CSGALNACT1: variants seen among roughly 807,000 people sequenced by gnomAD.
CSGALNACT1 encodes the protein beta4GalNAcT-1.
A neutral mutation model predicts 51.0 loss-of-function variants in CSGALNACT1; 52 were observed. The ratio of observed to expected loss-of-function variants is 1.02; its 90% CI spans 0.82 to 1.29. CSGALNACT1 has a LOEUF of 1.29. Ranked by LOEUF, CSGALNACT1 falls within the 50% of genes most tolerant of loss-of-function variation. CSGALNACT1 has a pLI of 0.00. For missense variants in CSGALNACT1, 935 were observed against 679.2 expected (o/e 1.38, Z -4.19); for synonymous variants, 341 against 254.4 (o/e 1.34, Z -3.24).
intron 3 of CSGALNACT1, among the ~76,000 whole-genome samples, chr8:19,521,652 C>T (rs1324289859): frequency 2.0e-5 from 3 of 152,044 alleles, no homozygotes; most frequent in African/African-American, 7.2e-5. Flanking sequence ...TACTAGACTC[C>T]GTCTCCAAAA....
At chr8:19,576,030 G>C (rs1341998707) in intron 3 of CSGALNACT1, among the ~76,000 whole-genome samples, 1 of 152,136 alleles carries the variant, frequency 6.6e-6, no homozygotes, top group Non-Finnish European at 1.5e-5. Context: ...GGCTCAGACA[G>C]GAAGAGGTAG....
At chr8:19,595,239 G>C (rs2048645011) in intron 2 of CSGALNACT1, among the ~76,000 whole-genome samples, 1 of 152,128 alleles carries the variant, frequency 6.6e-6, no homozygotes, top group African/African-American at 2.4e-5. Flanking sequence ...GAACCTCAAA[G>C]TAAAGGTTAT....
chr8:19,584,914 G>A (rs1359129561), intron 3 of CSGALNACT1, among the ~76,000 whole-genome samples: 1 of 152,184 alleles, frequency 6.6e-6, no homozygotes, highest in African/African-American at 2.4e-5. Context: ...ACCGTAGACA[G>A]CAGGATGGGG....
chr8:19,665,785 T>C lies in CSGALNACT1; in HGVS notation c.-544+16688A>G, dbSNP rs140885019. 3.3e-3 allele frequency among the ~76,000 whole-genome samples: 507 copies of C among 152,312 alleles called. 3 individuals carry two copies. Among genetic ancestry groups the C allele is most frequent in the Non-Finnish European group, 5.8e-3 (394 of 68,028 alleles). On this transcript the variant is annotated intron_variant, in intron 1 of 9. Coordinates refer to the CSGALNACT1 transcript ENST00000332246. ...TTCATAATAGAAGGGTTTGGTTAAT[T>C]ACACCTGGGATAATGAATAACTAAA...
In CSGALNACT1 at chr8:19,557,625, C is replaced by G. The variant is rs116702769; in HGVS notation, c.-297+33535G>C. Among the ~76,000 whole-genome samples the G allele has an allele frequency of 9.3e-3, 1,414 of 152,322 alleles. 17 individuals are homozygous for G. Among genetic ancestry groups the G allele is most frequent in the African/African-American group, 0.032 (1,320 of 41,568 alleles). ...CCCTAAGTATCCACAAGGCCTATTC[C>G]TGTATTTTATTCAGGCTTTGCTCAA... is the stretch of plus-strand genomic sequence containing the variant. On this transcript the variant is annotated intron_variant, in intron 3 of 9. Coordinates refer to ENST00000454498, the Ensembl canonical transcript of CSGALNACT1.
At chr8:19,705,513 G>A (rs1031241773) in intron 1 of CSGALNACT1, among the ~76,000 whole-genome samples, 4 of 152,130 alleles carry the variant, frequency 2.6e-5, no homozygotes, top group Non-Finnish European at 4.4e-5. Flanking sequence ...CAGGAGGCAG[G>A]AGGCTTAAGC....
intron 4 of CSGALNACT1, among the ~76,000 whole-genome samples, chr8:19,486,772 A>G (rs1244746775): frequency 6.6e-6 from 1 of 152,112 alleles, no homozygotes; most frequent in African/African-American, 2.4e-5. Flanking sequence ...TTACTCAGCT[A>G]TGGAATTTGC....
chr8:19,682,441 C>T (rs901569210), intron 1 of CSGALNACT1: 9 of 300,416 alleles, frequency 3.0e-5, no homozygotes, highest in Admixed American at 4.2e-5. Context: ...AAATTTCACA[C>T]CCAATAAAGG....
At chr8:19,589,288 A>C (rs1018089246) in intron 3 of CSGALNACT1, among the ~76,000 whole-genome samples, 2 of 152,142 alleles carry the variant, frequency 1.3e-5, no homozygotes, top group Non-Finnish European at 2.9e-5. Context: ...AAAGCTACCT[A>C]ATTTTTCAAC....
chr8:19,404,791 T>G (rs973463530), exon 10 of CSGALNACT1: 1 of 454,548 alleles, frequency 2.2e-6, no homozygotes. Flanking sequence ...TACATCACGA[T>G]ATCACCAGTC....
intron 1 of CSGALNACT1, among the ~76,000 whole-genome samples, chr8:19,619,502 G>A (rs916239167): frequency 6.6e-6 from 1 of 152,026 alleles, no homozygotes; most frequent in African/African-American, 2.4e-5. Flanking sequence ...GGCTGGAGAG[G>A]TGAAGACTGG....
intron 5 of CSGALNACT1, among the ~76,000 whole-genome samples, chr8:19,457,257 A>G (rs1439629164): frequency 6.6e-6 from 1 of 152,230 alleles, no homozygotes; most frequent in Non-Finnish European, 1.5e-5. Flanking sequence ...CAGAATTTTG[A>G]AAGGTATCAA....
chr8:19,445,468 G>A (rs2061963447), intron 5 of CSGALNACT1, among the ~76,000 whole-genome samples: 2 of 152,184 alleles, frequency 1.3e-5, no homozygotes, highest in Non-Finnish European at 2.9e-5. Flanking sequence ...CAGATGCTGT[G>A]ACTAGGTGAG....
intron 1 of CSGALNACT1, among the ~76,000 whole-genome samples, chr8:19,743,810 T>C (rs1302489318): frequency 1.3e-5 from 2 of 152,232 alleles, no homozygotes; most frequent in Admixed American, 6.5e-5. Context: ...GTCTGATTCA[T>C]AAAAAATGCA....
At chr8:19,699,600 C>A (rs1161386244) in intron 1 of CSGALNACT1, among the ~76,000 whole-genome samples, 1 of 152,102 alleles carries the variant, frequency 6.6e-6, no homozygotes, top group East Asian at 1.9e-4. Context: ...GTCCATTGAG[C>A]TAGAAAGTAA....
intron 1 of CSGALNACT1, among the ~76,000 whole-genome samples, chr8:19,666,922 GGAGAGACAGA>G: frequency 1.6e-5 from 2 of 125,698 alleles, no homozygotes; most frequent in Admixed American, 8.2e-5. Flanking sequence ...AGGGAGGAAG[GGAGAGACAGA>G]GAGAGAGAGA....
intron 3 of CSGALNACT1, among the ~76,000 whole-genome samples, chr8:19,529,755 C>T (rs4418356): frequency 0.28 from 42,949 of 152,026 alleles, 7,669 homozygotes; most frequent in African/African-American, 0.52. Flanking sequence ...GTATGCACAG[C>T]TCCCTTATGC....
intron 1 of CSGALNACT1, among the ~76,000 whole-genome samples, chr8:19,698,246 C>T (rs971595143): frequency 1.3e-5 from 2 of 152,186 alleles, no homozygotes; most frequent in Non-Finnish European, 2.9e-5. Context: ...CAGTTCCTTG[C>T]CTTCTGGCCC....
intron 3 of CSGALNACT1, among the ~76,000 whole-genome samples, chr8:19,529,000 C>T (rs187928979): frequency 1.4e-4 from 21 of 152,040 alleles, no homozygotes; most frequent in African/African-American, 4.6e-4. Flanking sequence ...AACCAAATGG[C>T]GAGTAGATGG....
Sources: gnomAD v4.1 joint callset for allele counts (sites outside exome capture counted in the v4.1 genomes callset) on GRCh38, gnomAD v4.1.1 for gene constraint, MANE v1.5 for transcripts, NCBI Gene and HGNC (gene_info 2026-07-23, HGNC 2026-07-21) for gene names.